The following TBCD variants were observed in gnomAD, a reference collection of about 807,000 sequenced individuals.
The protein encoded by TBCD is tubulin folding cofactor D.
Under a neutral mutation model 169.3 loss-of-function variants are expected in TBCD, and 105 were observed. The ratio of observed to expected loss-of-function variants is 0.62; its 90% CI spans 0.53 to 0.73. The LOEUF (loss-of-function observed/expected upper bound fraction) is 0.73. Ranked by LOEUF, TBCD falls within the 30% of genes least tolerant of loss-of-function variation. The probability of loss-of-function intolerance (pLI) is 0.00; values close to 1 mark genes in which losing one functional copy is unlikely to be tolerated. For missense variants in TBCD, 1,444 were observed against 1,600.1 expected (o/e 0.90, Z 1.66); for synonymous variants, 700 against 643.9 (o/e 1.09, Z -1.32).
chr17:82,812,200 C>G (rs996253579), intron 12 of TBCD, among the ~76,000 whole-genome samples: 5 of 152,148 alleles, frequency 3.3e-5, no homozygotes, highest in Non-Finnish European at 4.4e-5. Flanking sequence ...CTCCCGTGAG[C>G]AAACCAACTG....
rs1403695341 is a variant in TBCD at position 82,920,178 on chromosome 17, C to T, written c.2039-378C>T. Among the ~76,000 whole-genome samples the T allele has an allele frequency of 6.6e-6, 1 of 152,170 alleles. No individual in the cohort carries two copies. The highest frequency in any genetic ancestry group is 1.5e-5 in the Non-Finnish European group (1 of 68,024). ...AGCATTGCAGGTGATGGCTGTCTGTCGCTTGGGTCCTGAGTGACAGGTCTA... is the reference window on the plus strand; with the variant it reads ...AGCATTGCAGGTGATGGCTGTCTGTTGCTTGGGTCCTGAGTGACAGGTCTA... On this transcript the variant is annotated intron_variant, in intron 23 of 38. Transcript: ENST00000355528. The surrounding 1 kb of genome is among the most constrained non-coding windows in gnomAD (Gnocchi z 4.1).
At chr17:82,818,044 T>A (rs896709690) in intron 13 of TBCD, among the ~76,000 whole-genome samples, 1 of 152,212 alleles carries the variant, frequency 6.6e-6, no homozygotes, top group African/African-American at 2.4e-5. Flanking sequence ...GAGACTCTAC[T>A]GGCTTGTGTG....
chr17:82,814,962 G>T (rs1049782182), intron 13 of TBCD, 28 bp downstream of exon 13: 4 of 1,609,158 alleles, frequency 2.5e-6, no homozygotes, highest in Non-Finnish European at 3.4e-6. Flanking sequence ...GGTCAGGGGG[G>T]ATGTCTGGCG....
At chr17:82,927,864 C>G (rs1366568724) in intron 29 of TBCD, 41 bp from the exon 30 acceptor site, 2 of 1,578,304 alleles carry the variant, frequency 1.3e-6, no homozygotes, top group Non-Finnish European at 1.7e-6. Context: ...TTGGAACCCC[C>G]CTCTCAAGCT....
chr17:82,778,447 T>G (rs2048735984), intron 6 of TBCD, among the ~76,000 whole-genome samples: 1 of 152,106 alleles, frequency 6.6e-6, no homozygotes, highest in African/African-American at 2.4e-5. Context: ...GGAGGACACA[T>G]GAGTTTCTTT....
At position 82,874,481 on chromosome 17, in the gene TBCD, T is replaced by C. The variant is rs1419896641; in HGVS notation, c.1475+4101T>C. On this transcript the variant is annotated intron_variant, in intron 14 of 38. Coordinates refer to ENST00000355528, the MANE Select transcript of TBCD (RefSeq NM_005993.5). The surrounding 1 kb of genome is among the most constrained non-coding windows in gnomAD (Gnocchi z 5.0). ...CCAGCAGCTGCTGGGGCCTCAGGGC[T>C]CGCAGCTCACAGGCTTCTGACGCCT... is the stretch of plus-strand genomic sequence containing the variant. Among the ~76,000 whole-genome samples the C allele has an allele frequency of 1.3e-5, 2 of 151,568 alleles. No homozygotes were observed. Among genetic ancestry groups the C allele is most frequent in the Non-Finnish European group, 2.9e-5 (2 of 67,878 alleles).
At chr17:82,895,664 C>T (rs966582439) in intron 17 of TBCD, among the ~76,000 whole-genome samples, 1 of 152,096 alleles carries the variant, frequency 6.6e-6, no homozygotes, top group Non-Finnish European at 1.5e-5. Flanking sequence ...CAGGGCATTA[C>T]AGAGGGTCTC....
rs188081246 is a variant in TBCD at position 82,941,437 on chromosome 17, G to A, written c.3518G>A (p.Arg1173His). 3.7e-3 allele frequency: 5,942 copies of A among 1,602,928 alleles called. 15 individuals are homozygous for A. The highest frequency in any genetic ancestry group is 4.3e-3 in the Non-Finnish European group (5,095 of 1,176,910). The change falls in exon 38 of 39, where the codon CGT (arginine) becomes CAT (histidine). Residue 1173 changes from arginine to histidine, a missense_variant. Coordinates refer to ENST00000355528, the MANE Select transcript of TBCD (RefSeq NM_005993.5). ...ELAVVREQRNRLCDLLGVPRP... is the reference protein window; with the variant it reads ...ELAVVREQRNHLCDLLGVPRP... ...GCAGTGGTGAGAGAGCAGCGCAACC[G>A]TCTGTGTGACCTTCTGGGCGTACCC...
intron 37 of TBCD, among the ~76,000 whole-genome samples, chr17:82,939,741 C>T (rs1041311211): frequency 6.6e-5 from 10 of 152,350 alleles, no homozygotes; most frequent in Non-Finnish European, 1.5e-4. Context: ...GGCACCTGTA[C>T]CACAAGGCTG....
chr17:82,855,235 CT>C (rs58346723), intron 13 of TBCD, among the ~76,000 whole-genome samples: 99 of 54,022 alleles, frequency 1.8e-3, no homozygotes, highest in Non-Finnish European at 2.4e-3. Context: ...AAGGTGTTTG[CT>C]TTTTTTTTTT....
chr17:82,938,814 C>T (rs112811578), intron 36 of TBCD, among the ~76,000 whole-genome samples: 1,733 of 67,662 alleles, frequency 0.026, 14 homozygotes, highest in Non-Finnish European at 0.048. Flanking sequence ...AGAGAGCAGG[C>T]GAGATTGCTT....
At chr17:82,855,993 CTTTTTTT>C (rs60978063) in intron 13 of TBCD, among the ~76,000 whole-genome samples, 13 of 66,276 alleles carry the variant, frequency 2.0e-4, no homozygotes, top group South Asian at 1.3e-3. Flanking sequence ...TCCCCCCCCA[CTTTTTTT>C]TTTTTTTTTT....
chr17:82,805,179 CACACAGCTCTCTGCG>C (rs1378240275), intron 9 of TBCD, among the ~76,000 whole-genome samples: 1 of 152,270 alleles, frequency 6.6e-6, no homozygotes, highest in Non-Finnish European at 1.5e-5. Context: ...GACGGCTCCT[CACACAGCTCTCTGCG>C]TAGGACTGCG....
chr17:82,930,603 A>G lies in TBCD; in HGVS notation c.3073A>G (p.Thr1025Ala), dbSNP rs1440514693. 2 of 1,613,850 alleles carry G rather than the reference A, an allele frequency of 1.2e-6. No homozygotes were observed. The highest frequency in any genetic ancestry group is 1.7e-6 in the Non-Finnish European group (2 of 1,179,856). ...DPQALGSFSG[T>A]LLQIFEDNLL... ...GCAGGCCCTGGGCAGCTTCAGCGGG[A>G]CCCTTCTGCAGATCTTTGAGGACAA... Residue 1025 changes from threonine to alanine, a missense_variant, in exon 33 of 39, where the codon ACC becomes GCC. Physicochemically the swap from Thr to Ala is moderately conservative, Grantham distance 58. Transcript: ENST00000355528. This position sits in a 1 kb window ranked among gnomAD's most constrained non-coding sequence, Gnocchi z 5.2.
intron 2 of TBCD, among the ~76,000 whole-genome samples, chr17:82,758,384 GAA>G (rs71168146): frequency 4.0e-5 from 1 of 25,000 alleles, no homozygotes; most frequent in Non-Finnish European, 8.6e-5. Flanking sequence ...AAACGTCTCG[GAA>G]AAAAAAAAAA....
chr17:82,906,319 C>T (rs544653168), intron 20 of TBCD, among the ~76,000 whole-genome samples: 3 of 152,322 alleles, frequency 2.0e-5, no homozygotes, highest in African/African-American at 7.2e-5. Flanking sequence ...CCACGGCTGT[C>T]CTGCCCCTGC....
At chr17:82,852,597 G>A (rs564541582) in intron 13 of TBCD, among the ~76,000 whole-genome samples, 48 of 152,274 alleles carry the variant, frequency 3.2e-4, no homozygotes, top group African/African-American at 1.1e-3. Flanking sequence ...ACTGGTCATA[G>A]CAGATCCGGG....
At chr17:82,858,673 G>A (rs1200868989) in intron 13 of TBCD, 5 of 984,730 alleles carry the variant, frequency 5.1e-6, no homozygotes, top group Non-Finnish European at 4.8e-6. Context: ...CTGAGGTGAG[G>A]TTCCTGTGTT....
At chr17:82,783,455 C>T (rs983235843) in intron 7 of TBCD, among the ~76,000 whole-genome samples, 3 of 152,342 alleles carry the variant, frequency 2.0e-5, no homozygotes, top group Admixed American at 2.0e-4. Context: ...CATTATCTAA[C>T]TTCAGGACAC....
Sources: allele counts gnomAD v4.1 joint callset (sites outside exome capture counted in the v4.1 genomes callset), GRCh38; gene constraint gnomAD v4.1.1; non-coding constraint Gnocchi (gnomAD v3.1); transcripts MANE v1.5; gene names NCBI Gene and HGNC (gene_info 2026-07-23, HGNC 2026-07-21).